EIF3K: variants seen among roughly 807,000 people sequenced by gnomAD.
EIF3K encodes the protein eukaryotic translation initiation factor 3 subunit K, also known as eIF-3 p28.
Under a neutral mutation model 34.2 loss-of-function variants are expected in EIF3K, and 27 were observed. That is an observed-to-expected ratio of 0.79 (90% CI 0.58 to 1.09). The LOEUF is 1.09. Among genes scored for constraint, EIF3K ranks in the 50% least tolerant of loss-of-function variants. The probability of loss-of-function intolerance (pLI) is 0.00; values close to 1 mark genes in which losing one functional copy is unlikely to be tolerated. For synonymous variants in EIF3K, 105 were observed against 105.7 expected, an observed-to-expected ratio of 0.99 and a Z score of 0.04; for missense variants, 232 against 275.4, an observed-to-expected ratio of 0.84 and a Z score of 1.11.
rs914313343 is a variant in EIF3K, at chr19:38,624,191, G to A, written c.273G>A (p.Gln91=). The A allele has an allele frequency of 1.2e-6, 2 of 1,614,172 alleles. No individual in the cohort carries two copies. Among genetic ancestry groups the A allele is most frequent in the Non-Finnish European group, 1.7e-6 (2 of 1,180,012 alleles). The change falls in exon 3 of 8, where the codon CAG becomes CAA. Residue 91 remains glutamine (Q), a synonymous_variant. Coordinates refer to ENST00000248342, the MANE Select transcript of EIF3K (RefSeq NM_013234.4). ...CCCTGTGCAAGTGCATGATCGACCA[G>A]GCACATGTATCCTTCCAGCACTGGG... is the stretch of plus-strand genomic sequence containing the variant. ...DFTLCKCMID[Q]AHQEERPIRQ...
chr19:38,634,082 A>C (rs1425568201), intron 6 of EIF3K, among the ~76,000 whole-genome samples: 1 of 147,852 alleles, frequency 6.8e-6, no homozygotes, highest in Admixed American at 6.7e-5. Context: ...CAGCCAAGTA[A>C]AAGCTAACTT....
At chr19:38,622,018 G>A (rs559268261) in intron 2 of EIF3K, among the ~76,000 whole-genome samples, 2 of 145,788 alleles carry the variant, frequency 1.4e-5, no homozygotes, top group Non-Finnish European at 3.0e-5. Context: ...TGATTCTCCC[G>A]CCTCAGCCTC....
intron 2 of EIF3K, among the ~76,000 whole-genome samples, chr19:38,620,755 G>A (rs1975821671): frequency 6.6e-6 from 1 of 152,084 alleles, no homozygotes; most frequent in African/African-American, 2.4e-5. Context: ...TTAGCCAGGC[G>A]TGGTGCCACA....
chr19:38,627,541 G>A (rs1029926426), intron 4 of EIF3K, among the ~76,000 whole-genome samples: 1 of 151,954 alleles, frequency 6.6e-6, no homozygotes, highest in Non-Finnish European at 1.5e-5. Context: ...GCACATGCCT[G>A]TAATCCTAGC....
Position 38,623,305 on chromosome 19 carries a change from G to A in EIF3K, c.159-772G>A, listed in dbSNP as rs143119684. On this transcript the variant is annotated intron_variant, in intron 2 of 7. Transcript: ENST00000248342. ...CTCCGTTTGGGGTCCCTGACTTCCC[G>A]CAACAGGTACGCACCACCATACCCA... Among the ~76,000 whole-genome samples, 111 of 152,246 alleles carry A rather than the reference G, an allele frequency of 7.3e-4. No individual in the cohort carries two copies. The East Asian group carries it at 0.019, about 25-fold the overall frequency.
intron 2 of EIF3K, among the ~76,000 whole-genome samples, chr19:38,621,462 A>C (rs1405305086): frequency 1.3e-5 from 2 of 152,248 alleles, no homozygotes; most frequent in Non-Finnish European, 2.9e-5. Context: ...CTAATACATT[A>C]AGCAAACATG....
intron 2 of EIF3K, among the ~76,000 whole-genome samples, chr19:38,621,419 A>T (rs1454332669): frequency 2.0e-5 from 3 of 152,206 alleles, no homozygotes; most frequent in Non-Finnish European, 2.9e-5. Context: ...TCTCAAAAAT[A>T]AATAAAGGTT....
chr19:38,634,843 G>A, intron 6 of EIF3K, 150 bp from the exon 7 acceptor site: 1 of 1,156,036 alleles, frequency 8.7e-7, no homozygotes, highest in East Asian at 2.6e-5. Context: ...GCGGAAGCAA[G>A]GAGACCAGGC....
intron 2 of EIF3K, among the ~76,000 whole-genome samples, chr19:38,621,555 GC>G (rs1244637162): frequency 6.6e-6 from 1 of 152,138 alleles, no homozygotes; most frequent in Non-Finnish European, 1.5e-5. Flanking sequence ...CAGGCTCTTT[GC>G]CCCCTATGCT....
chr19:38,619,369 G>A (rs757488533), intron 1 of EIF3K, 42 bp downstream of exon 1: 6 of 1,609,416 alleles, frequency 3.7e-6, no homozygotes, highest in Non-Finnish European at 5.1e-6. Flanking sequence ...CAAGCGGGGC[G>A]GAGGAGAGGG....
intron 3 of EIF3K, among the ~76,000 whole-genome samples, chr19:38,625,156 T>G (rs1178010620): frequency 6.6e-6 from 1 of 151,824 alleles, no homozygotes; most frequent in Non-Finnish European, 1.5e-5. Flanking sequence ...TGTTGTTGTT[T>G]TATTTTATTT....
chr19:38,627,411 T>C (rs1405275900), intron 4 of EIF3K, among the ~76,000 whole-genome samples: 1 of 150,388 alleles, frequency 6.6e-6, no homozygotes, highest in Non-Finnish European at 1.5e-5. Context: ...ACGCCTGTAA[T>C]CCCAGCACTT....
intron 6 of EIF3K, among the ~76,000 whole-genome samples, chr19:38,633,388 G>A (rs1159586313): frequency 6.6e-6 from 1 of 152,122 alleles, no homozygotes; most frequent in South Asian, 2.1e-4. Flanking sequence ...AAAAAGAAAC[G>A]TAGAAAAGGA....
At chr19:38,619,455 G>A in intron 1 of EIF3K, 128 bp downstream of exon 1, 2 of 1,048,504 alleles carry the variant, frequency 1.9e-6, no homozygotes, top group Non-Finnish European at 1.4e-6. Context: ...TCCTGGAGGA[G>A]GAGATGCTTA....
At chr19:38,636,795 A>C (rs1224085904) in intron 7 of EIF3K, 94 bp from the exon 8 acceptor site, 8 of 1,447,118 alleles carry the variant, frequency 5.5e-6, no homozygotes, top group Non-Finnish European at 7.8e-6. Context: ...GGAGTTTATG[A>C]TCTCCCCCTA....
chr19:38,635,132 C>T lies in EIF3K; in HGVS notation c.625+14C>T, dbSNP rs1298083129. On this transcript the variant is annotated intron_variant, in intron 7 of 7. Transcript: ENST00000248342. ...TTGACTTTGACAGTGAGTGGTGACC[C>T]ACGGCCTCGGGCTTTGGGGCTAAGG... is the stretch of plus-strand genomic sequence containing the variant. 1 of 1,614,004 alleles carries T rather than the reference C, an allele frequency of 6.2e-7. No homozygotes were observed. Among genetic ancestry groups the T allele is most frequent in the African/African-American group, 1.3e-5 (1 of 74,946 alleles).
Position 38,621,903 on chromosome 19 carries a change from C to CTTTTTTTTTTT in EIF3K, c.158+1480_158+1490dup, listed in dbSNP as rs914363057. 2.7e-5 allele frequency among the ~76,000 whole-genome samples: 3 copies of CTTTTTTTTTTT among 111,504 alleles called. No individual in the cohort carries two copies. The South Asian group carries it at 8.8e-4, about 33-fold the overall frequency. The allele number at this position is 111,504 out of a possible 152,430, so 73.2% of individuals were successfully genotyped here. Reference sequence around the variant, plus strand: ...ATGGACATTGTGGGTTCTTCGTGCCCTTTTTTTTTTTTTTTTTTTTTTGGA... The same window carrying CTTTTTTTTTTT: ...ATGGACATTGTGGGTTCTTCGTGCCCTTTTTTTTTTTTTTTTTTTTTTTTTTTTTTTTTGGA... On this transcript the variant is annotated intron_variant, in intron 2 of 7. Coordinates refer to ENST00000248342, the MANE Select transcript of EIF3K (RefSeq NM_013234.4).
chr19:38,620,386 G>A lies in EIF3K; in HGVS notation c.109G>A (p.Ala37Thr), dbSNP rs1359762242. The A allele has an allele frequency of 7.4e-6, 12 of 1,613,904 alleles. No individual in the cohort carries two copies. The African/African-American group carries it at 1.5e-4, about 20-fold the overall frequency. ...ATLERYVETQ[A>T]KENAYDLEAN... ...CCTGGAGCGCTATGTAGAGACGCAGGCCAAGGAAAATGCCTATGATCTGGA... is the reference window on the plus strand; with the variant it reads ...CCTGGAGCGCTATGTAGAGACGCAGACCAAGGAAAATGCCTATGATCTGGA... Residue 37 changes from alanine to threonine, a missense_variant, in exon 2 of 8, where the codon GCC becomes ACC. Coordinates refer to ENST00000248342, the MANE Select transcript of EIF3K (RefSeq NM_013234.4).
In EIF3K at chr19:38,632,683, C is replaced by T. The variant is rs751535914; in HGVS notation, c.499+5C>T. 8.1e-6 allele frequency: 13 copies of T among 1,609,564 alleles called. No individual in the cohort carries two copies. Among genetic ancestry groups the T allele is most frequent in the East Asian group, 4.5e-5 (2 of 44,864 alleles). On this transcript the variant is annotated splice_donor_5th_base_variant and intron_variant, in intron 6 of 7. Transcript: ENST00000248342. ...AGATGCTCGGGGATCTGTCGGGTAA[C>T]GCCCTCTGGGTCCTGGTGCACATCT...
Sources: allele counts gnomAD v4.1 joint callset (sites outside exome capture counted in the v4.1 genomes callset), GRCh38; gene constraint gnomAD v4.1.1; transcripts MANE v1.5; gene names NCBI Gene and HGNC (gene_info 2026-07-23, HGNC 2026-07-21).